The following CABP2 variants were observed in gnomAD, a reference collection of about 807,000 sequenced individuals.
CABP2 encodes calcium-binding protein 2.
Under a neutral mutation model 28.6 loss-of-function variants are expected in CABP2, and 25 were observed. The observed-to-expected ratio is 0.87, with a 90% CI of 0.64 to 1.22. The LOEUF (loss-of-function observed/expected upper bound fraction) is 1.22. Ranked by LOEUF, CABP2 falls within the 50% of genes most tolerant of loss-of-function variation. CABP2 has a pLI of 0.00. For synonymous variants in CABP2, 138 were observed against 126.0 expected (o/e 1.09, Z -0.64); for missense variants, 310 against 312.2 (o/e 0.99, Z 0.05).
rs761115561 is a variant in CABP2 at position 67,519,947 on chromosome 11, C to A, written c.490-7G>T. ...CGTCCCCATTGGTGTCGAACTGTGG[C>A]GGCGTTGGTTGTGGCGTCTGGTCAC... On this transcript the variant is annotated splice_polypyrimidine_tract_variant and splice_region_variant and intron_variant, in intron 5 of 6. Transcript: ENST00000294288. 1.2e-6 allele frequency: 2 copies of A among 1,603,566 alleles called. No individual in the cohort carries two copies. Among genetic ancestry groups the A allele is most frequent in the Non-Finnish European group, 8.5e-7 (1 of 1,176,688 alleles).
chr11:67,521,397 A>C (rs1358924968), intron 3 of CABP2, among the ~76,000 whole-genome samples: 1 of 152,190 alleles, frequency 6.6e-6, no homozygotes, highest in African/African-American at 2.4e-5. Flanking sequence ...GAAATTTTTC[A>C]AAAAGGAAGA....
chr11:67,521,283 G>C (rs1478748401), intron 3 of CABP2, 124 bp from the exon 4 acceptor site: 3 of 1,018,052 alleles, frequency 2.9e-6, no homozygotes, highest in Non-Finnish European at 4.2e-6. Context: ...TTGCTGCCTC[G>C]GGGCCTTTGC....
chr11:67,520,206 C>T, intron 4 of CABP2, 46 bp from the exon 5 acceptor site: 1 of 1,298,750 alleles, frequency 7.7e-7, no homozygotes, highest in Non-Finnish European at 1.1e-6. Flanking sequence ...GAGACCCCTG[C>T]CCCTCCCTGG....
intron 1 of CABP2, 113 bp from the exon 2 acceptor site, chr11:67,522,829 T>A (rs1461332400): frequency 7.2e-6 from 7 of 975,744 alleles, no homozygotes; most frequent in Non-Finnish European, 1.0e-5. Context: ...CATGGGACAG[T>A]AGGGAAGGGG....
intron 2 of CABP2, 84 bp downstream of exon 2, chr11:67,522,462 G>T: frequency 1.4e-6 from 2 of 1,417,296 alleles, no homozygotes; most frequent in South Asian, 2.5e-5. Context: ...GGGTAGGTGG[G>T]CTGGAGTGCG....
chr11:67,523,188 A>C, intron 1 of CABP2, 97 bp downstream of exon 1: 22 of 910,916 alleles, frequency 2.4e-5, no homozygotes, highest in Non-Finnish European at 3.6e-5. Context: ...GGCAGCCCCC[A>C]ACCCCGCCCG....
At chr11:67,521,709 G>T (rs1195970857) in intron 3 of CABP2, among the ~76,000 whole-genome samples, 1 of 152,188 alleles carries the variant, frequency 6.6e-6, no homozygotes, top group Non-Finnish European at 1.5e-5. Context: ...AAATATAAAA[G>T]GGGCCCTGTC....
Position 67,521,073 on chromosome 11 carries a change from C to T in CABP2, c.331G>A (p.Gly111Ser). The change falls in exon 4 of 7, where the codon GGC becomes AGC. Residue 111 changes from glycine (G) to serine (S), a missense_variant. Physicochemically the swap from Gly to Ser is moderately conservative, Grantham distance 56 (BLOSUM62 0). Coordinates refer to ENST00000294288, the MANE Select transcript of CABP2 (RefSeq NM_016366.3). The stretch of plus-strand genomic sequence containing the variant: ...AGCTCCATCTCGGTGGGCATGTAGC[C>T]CAGGGTCCGCATGCAGGCACCCAGC... ...RELGACMRTLGYMPTEMELIE... is the reference protein window; with the variant it reads ...RELGACMRTLSYMPTEMELIE... 1.2e-6 allele frequency: 2 copies of T among 1,613,014 alleles called. No homozygotes were observed. Among genetic ancestry groups the T allele is most frequent in the Non-Finnish European group, 1.7e-6 (2 of 1,179,648 alleles).
chr11:67,519,041 AG>A lies in CABP2; in HGVS notation c.*97del. On this transcript the variant is annotated 3_prime_UTR_variant, in exon 7 of 7. Transcript: ENST00000294288. ...ACACAGGTGGGATGGGGAGGAAAGGAGGGTCCCCGCTAGAGGCGATGGGCTT... is the reference window on the plus strand; with the variant it reads ...ACACAGGTGGGATGGGGAGGAAAGGAGGTCCCCGCTAGAGGCGATGGGCTT... The A allele has an allele frequency of 1.5e-6, 2 of 1,338,840 alleles. No homozygotes were observed. Among genetic ancestry groups the A allele is most frequent in the Non-Finnish European group, 2.1e-6 (2 of 934,458 alleles). 82.9% of individuals were successfully genotyped at this position (1,338,840 alleles called of 1,614,324 possible).
intron 4 of CABP2, 39 bp downstream of exon 4, chr11:67,520,986 C>A (rs1360446187): frequency 1.2e-6 from 2 of 1,601,302 alleles, no homozygotes; most frequent in Non-Finnish European, 1.7e-6. Context: ...GCGGGGGCAT[C>A]TGGAGGACTG....
In CABP2 at chr11:67,519,143, C is replaced by T. The variant is rs143180247; in HGVS notation, c.659G>A (p.Arg220Gln). The change falls in exon 7 of 7, where the codon CGG (arginine) becomes CAG (glutamine). Residue 220 changes from arginine (R) to glutamine (Q), a missense_variant. By Grantham distance (43) the Arg-to-Gln change is conservative. Transcript: ENST00000294288. The stretch of plus-strand genomic sequence containing the variant: ...GCCTCCAGCTTCTGTACAGGCTCAC[C>T]GAGACATCATTCGCACAAACTCTGC... Reference protein sequence around the residue: ...DFEEFVRMMSR With the variant: ...DFEEFVRMMSQ 28 of 1,614,048 alleles carry T rather than the reference C, an allele frequency of 1.7e-5. No individual in the cohort carries two copies. Among genetic ancestry groups the T allele is most frequent in the Admixed American group, 1.3e-4 (8 of 60,020 alleles).
At chr11:67,523,260 G>C (rs370907522) in intron 1 of CABP2, 25 bp downstream of exon 1, 1 of 1,526,882 alleles carries the variant, frequency 6.5e-7, no homozygotes. Context: ...CTCCTGGCCT[G>C]GGTTTCTCCC....
chr11:67,520,076 C>T lies in CABP2; in HGVS notation c.464G>A (p.Arg155Gln), dbSNP rs1278782819. Residue 155 changes from arginine to glutamine, a missense_variant, in exon 5 of 7, where the codon CGG becomes CAG. Physicochemically the swap from Arg to Gln is conservative, Grantham distance 43. Coordinates refer to ENST00000294288, the MANE Select transcript of CABP2 (RefSeq NM_016366.3). ...CTCCCGGAAGGCGTCCCGTAGCTCCCGGACACCGATCATGTCTGCCGTCTC... is the reference window on the plus strand; with the variant it reads ...CTCCCGGAAGGCGTCCCGTAGCTCCTGGACACCGATCATGTCTGCCGTCTC... ...LAETADMIGV[R>Q]ELRDAFREFD... 9 of 1,613,336 alleles carry T rather than the reference C, an allele frequency of 5.6e-6. No individual in the cohort carries two copies. The highest frequency in any genetic ancestry group is 2.7e-5 in the African/African-American group (2 of 75,040).
rs376707764 is a variant in CABP2 at position 67,519,786 on chromosome 11, G to C, written c.637+7C>G. 4.7e-5 allele frequency: 76 copies of C among 1,613,532 alleles called. No individual in the cohort carries two copies. The East Asian group carries it at 9.4e-4, about 20-fold the overall frequency. On this transcript the variant is annotated splice_region_variant and intron_variant, in intron 6 of 6. Transcript: ENST00000294288. ...GGGCGTGTGTTGCTATGTGCGGCAGGGGGTACCTTCGAAGTCGACCAGACC... is the reference window on the plus strand; with the variant it reads ...GGGCGTGTGTTGCTATGTGCGGCAGCGGGTACCTTCGAAGTCGACCAGACC...
At chr11:67,519,249 G>A in intron 6 of CABP2, 85 bp from the exon 7 acceptor site, 2 of 1,391,502 alleles carry the variant, frequency 1.4e-6, no homozygotes, top group Admixed American at 3.4e-5. Context: ...GGGCGGGTGG[G>A]AGTGTGGTTG....
chr11:67,519,167 G>A lies in CABP2; in HGVS notation c.638-3C>T. On this transcript the variant is annotated splice_region_variant and splice_polypyrimidine_tract_variant and intron_variant, in intron 6 of 6. Coordinates refer to ENST00000294288, the MANE Select transcript of CABP2 (RefSeq NM_016366.3). ...CCGAGACATCATTCGCACAAACTCT[G>A]CCAGGACGAAGCCAAGGTTTTGGGT... 6.2e-7 allele frequency: 1 copy of A among 1,613,916 alleles called. No homozygotes were observed.
In CABP2 at chr11:67,523,357, CG is replaced by C. The variant is rs1235731786; in HGVS notation, c.-32del. The C allele has an allele frequency of 1.3e-6, 2 of 1,539,390 alleles. No homozygotes were observed. The highest frequency in any genetic ancestry group is 1.2e-5 in the South Asian group (1 of 83,168). On this transcript the variant is annotated 5_prime_UTR_variant, in exon 1 of 7. Transcript: ENST00000294288. ...CTGAACCATGCCAGGCCTGGAACCC[CG>C]GGGGTGGCCCGGGTGGGCCTCGGCG...
chr11:67,519,123 C>T lies in CABP2; in HGVS notation c.*16G>A. 1 of 1,613,888 alleles carries T rather than the reference C, an allele frequency of 6.2e-7. No homozygotes were observed. The highest frequency in any genetic ancestry group is 8.5e-7 in the Non-Finnish European group (1 of 1,179,922). On this transcript the variant is annotated 3_prime_UTR_variant, in exon 7 of 7. Coordinates refer to ENST00000294288, the MANE Select transcript of CABP2 (RefSeq NM_016366.3). ...GTCCTTGAGTCCTTTATGCTGCCTC[C>T]AGCTTCTGTACAGGCTCACCGAGAC...
Position 67,519,090 on chromosome 11 carries a change from A to C in CABP2, c.*49T>G, listed in dbSNP as rs373755339. 8.1e-6 allele frequency: 13 copies of C among 1,603,754 alleles called. No homozygotes were observed. The African/African-American group carries it at 1.5e-4, about 18-fold the overall frequency. Reference sequence around the variant, plus strand: ...CTTCAAGGAACATGCTGGTGGGCAGAGGCTGTGGTCCTTGAGTCCTTTATG... The same window carrying C: ...CTTCAAGGAACATGCTGGTGGGCAGCGGCTGTGGTCCTTGAGTCCTTTATG... On this transcript the variant is annotated 3_prime_UTR_variant, in exon 7 of 7. Coordinates refer to ENST00000294288, the MANE Select transcript of CABP2 (RefSeq NM_016366.3).
Sources: gnomAD v4.1 joint callset for allele counts (sites outside exome capture counted in the v4.1 genomes callset) on GRCh38, gnomAD v4.1.1 for gene constraint, MANE v1.5 for transcripts, NCBI Gene and HGNC (gene_info 2026-07-23, HGNC 2026-07-21) for gene names.